The following TRHDE variants were observed in gnomAD, a reference collection of about 807,000 sequenced individuals.
TRHDE encodes the protein thyrotropin-releasing hormone-degrading ectoenzyme.
TRHDE carries 72 observed loss-of-function variants against 125.7 expected under a neutral mutation model. The ratio of observed to expected loss-of-function variants is 0.57; its 90% CI spans 0.47 to 0.70. The LOEUF (loss-of-function observed/expected upper bound fraction) is 0.70. TRHDE is among the 30% of genes least tolerant of loss of function. TRHDE has a pLI of 0.00. For missense variants in TRHDE, 1,110 were observed against 1,327.1 expected, an observed-to-expected ratio of 0.84 and a Z score of 2.54; for synonymous variants, 509 against 509.1, an observed-to-expected ratio of 1.00 and a Z score of 0.00.
At chr12:72,216,083 AT>A (rs1438114025) in intron 2 of TRHDE, among the ~76,000 whole-genome samples, 1 of 152,192 alleles carries the variant, frequency 6.6e-6, no homozygotes, top group Non-Finnish European at 1.5e-5. Context: ...AGGAAAATTT[AT>A]CACTCTAGTT....
intron 2 of TRHDE, among the ~76,000 whole-genome samples, chr12:72,174,564 A>C (rs1876947109): frequency 6.6e-6 from 1 of 151,984 alleles, no homozygotes; most frequent in Non-Finnish European, 1.5e-5. Flanking sequence ...ATTTCTTTTC[A>C]TCTGGAACTC....
At chr12:72,503,586 G>T (rs1878241249) in intron 6 of TRHDE, among the ~76,000 whole-genome samples, 1 of 152,120 alleles carries the variant, frequency 6.6e-6, no homozygotes, top group African/African-American at 2.4e-5. Context: ...ATTCAATCTT[G>T]TTGACTAAAT....
At chr12:72,619,960 A>ATAAACTGTT (rs942606516) in intron 13 of TRHDE, among the ~76,000 whole-genome samples, 2 of 149,166 alleles carry the variant, frequency 1.3e-5, no homozygotes, top group African/African-American at 5.2e-5. Flanking sequence ...CCTACAGAAA[A>ATAAACTGTT]TAAACTGTTT....
At chr12:72,528,523 C>CT (rs200783443) in intron 6 of TRHDE, among the ~76,000 whole-genome samples, 4,538 of 149,844 alleles carry the variant, frequency 0.03, 88 homozygotes, top group Non-Finnish European at 0.043. Flanking sequence ...TTCTGAGCTT[C>CT]TTTTTTTTTT....
intron 2 of TRHDE, among the ~76,000 whole-genome samples, chr12:72,349,453 T>C (rs1436658003): frequency 6.6e-6 from 1 of 152,070 alleles, no homozygotes; most frequent in Non-Finnish European, 1.5e-5. Flanking sequence ...GCCTTGAGTA[T>C]GAACATGGTT....
intron 3 of TRHDE, among the ~76,000 whole-genome samples, chr12:72,434,886 C>A (rs1449889004): frequency 6.6e-6 from 1 of 152,150 alleles, no homozygotes; most frequent in Non-Finnish European, 1.5e-5. Context: ...AAGGTACATG[C>A]CATTCCAGAG....
chr12:72,267,396 A>C (rs1230343940), upstream of TRHDE, among the ~76,000 whole-genome samples: 1 of 152,138 alleles, frequency 6.6e-6, no homozygotes, highest in Non-Finnish European at 1.5e-5. Context: ...AAAATTGGAA[A>C]TGACACTTGA....
At chr12:72,102,220 C>T (rs561141573) in intron 1 of TRHDE, among the ~76,000 whole-genome samples, 53 of 152,268 alleles carry the variant, frequency 3.5e-4, no homozygotes, top group African/African-American at 1.2e-3. Flanking sequence ...TGCCCTCCTA[C>T]TCTGCTGCCC....
intron 3 of TRHDE, among the ~76,000 whole-genome samples, chr12:72,439,610 C>T (rs1239869192): frequency 1.3e-5 from 2 of 151,604 alleles, no homozygotes; most frequent in Non-Finnish European, 3.0e-5. Flanking sequence ...TATCTTGAAA[C>T]TTTACTGAAT....
intron 3 of TRHDE, among the ~76,000 whole-genome samples, chr12:72,403,761 G>C (rs969700354): frequency 6.6e-6 from 1 of 152,160 alleles, no homozygotes; most frequent in African/African-American, 2.4e-5. Context: ...AACCCAGCTA[G>C]GAAGTCCAAG....
At chr12:72,169,032 G>A (rs1467032377) in intron 2 of TRHDE, among the ~76,000 whole-genome samples, 1 of 152,122 alleles carries the variant, frequency 6.6e-6, no homozygotes, top group Non-Finnish European at 1.5e-5. Context: ...AAGCTGGCAA[G>A]CTATATAACC....
rs538385259 is a variant in TRHDE, at chr12:72,345,328, T to C, written c.1189-32667T>C. 5.3e-5 allele frequency among the ~76,000 whole-genome samples: 8 copies of C among 152,228 alleles called. No homozygotes were observed. In the South Asian group the frequency reaches 1.7e-3, roughly 32 times the overall value. The stretch of plus-strand genomic sequence containing the variant: ...TTGCTGATTTATATGGTGTATATAC[T>C]CACACTAAAGCCAATTTCCAGTTAC... On this transcript the variant is annotated intron_variant, in intron 2 of 18. Coordinates refer to ENST00000261180, the MANE Select transcript of TRHDE (RefSeq NM_013381.3).
chr12:72,166,376 C>G (rs941542885), intron 2 of TRHDE, among the ~76,000 whole-genome samples: 1 of 151,884 alleles, frequency 6.6e-6, no homozygotes, highest in East Asian at 1.9e-4. Flanking sequence ...TATACACATA[C>G]ATATATCTAT....
intron 12 of TRHDE, among the ~76,000 whole-genome samples, chr12:72,615,253 ATGT>A (rs1228816594): frequency 6.6e-6 from 1 of 152,134 alleles, no homozygotes; most frequent in Non-Finnish European, 1.5e-5. Flanking sequence ...CACATACAAT[ATGT>A]TGTTCTTTAA....
chr12:72,381,742 A>G (rs1872195478), intron 3 of TRHDE, among the ~76,000 whole-genome samples: 1 of 152,162 alleles, frequency 6.6e-6, no homozygotes, highest in Admixed American at 6.5e-5. Flanking sequence ...AGAGAAAGAG[A>G]GGCATCTAGG....
intron 9 of TRHDE, among the ~76,000 whole-genome samples, chr12:72,563,647 C>T (rs1397103703): frequency 6.6e-6 from 1 of 152,148 alleles, no homozygotes; most frequent in Non-Finnish European, 1.5e-5. Flanking sequence ...TTACTGATAA[C>T]TCAGCAAATA....
At chr12:72,451,773 C>T (rs1875585619) in intron 3 of TRHDE, among the ~76,000 whole-genome samples, 1 of 152,008 alleles carries the variant, frequency 6.6e-6, no homozygotes, top group Non-Finnish European at 1.5e-5. Flanking sequence ...TACATGAATA[C>T]TGATATCTTT....
At chr12:72,595,407 T>C (rs1333198863) in intron 12 of TRHDE, among the ~76,000 whole-genome samples, 4 of 152,116 alleles carry the variant, frequency 2.6e-5, no homozygotes, top group African/African-American at 9.7e-5. Flanking sequence ...TAAATACGTT[T>C]AAAACTATTG....
intron 2 of TRHDE, among the ~76,000 whole-genome samples, chr12:72,266,327 A>T (rs1879068477): frequency 6.6e-6 from 1 of 151,934 alleles, no homozygotes; most frequent in Non-Finnish European, 1.5e-5. Context: ...GCGCTGTCAA[A>T]TAAGCCTGGG....
Sources: allele counts gnomAD v4.1 joint callset (sites outside exome capture counted in the v4.1 genomes callset), GRCh38; gene constraint gnomAD v4.1.1; transcripts MANE v1.5; gene names NCBI Gene and HGNC (gene_info 2026-07-23, HGNC 2026-07-21).